MAMDC2: variants seen among roughly 807,000 people sequenced by gnomAD.
MAMDC2 encodes MAM domain-containing protein 2.
In MAMDC2, 57 loss-of-function variants were observed where a neutral mutation model predicts 89.8. The ratio of observed to expected loss-of-function variants is 0.63; its 90% CI spans 0.51 to 0.79. The LOEUF (loss-of-function observed/expected upper bound fraction) is 0.79, where lower values mean the gene tolerates loss of function less well. MAMDC2 is among the 30% of genes least tolerant of loss of function. MAMDC2 has a pLI of 0.00. For missense variants in MAMDC2, 800 were observed against 820.6 expected (o/e 0.97, Z 0.31); for synonymous variants, 313 against 293.4 (o/e 1.07, Z -0.68).
chr9:70,052,980 C>G (rs951197799), intron 2 of MAMDC2, among the ~76,000 whole-genome samples: 2 of 152,190 alleles, frequency 1.3e-5, no homozygotes, highest in African/African-American at 4.8e-5. Flanking sequence ...CCATCACAAA[C>G]AACCACAATG....
chr9:70,116,557 G>A (rs915288923), intron 5 of MAMDC2, among the ~76,000 whole-genome samples: 2 of 152,098 alleles, frequency 1.3e-5, no homozygotes, highest in African/African-American at 2.4e-5. Context: ...TCTAAGATGC[G>A]TTTGAGTTCC....
At chr9:70,136,850 G>A (rs2031030982) in intron 7 of MAMDC2, among the ~76,000 whole-genome samples, 1 of 152,154 alleles carries the variant, frequency 6.6e-6, no homozygotes, top group African/African-American at 2.4e-5. Flanking sequence ...AAATATCCAT[G>A]GGAGAATGTC....
chr9:70,092,239 T>C (rs1031927279), intron 2 of MAMDC2: 1 of 152,196 alleles, frequency 6.6e-6, no homozygotes, highest in African/African-American at 2.4e-5. Context: ...CTGGCTTGAC[T>C]ATTAGAATCA....
At chr9:70,206,896 T>C (rs1168176803) in intron 11 of MAMDC2, among the ~76,000 whole-genome samples, 1 of 152,142 alleles carries the variant, frequency 6.6e-6, no homozygotes, top group African/African-American at 2.4e-5. Context: ...TTTCTGTCCT[T>C]GTGATAGTTT....
intron 5 of MAMDC2, among the ~76,000 whole-genome samples, chr9:70,117,671 C>T (rs548614238): frequency 1.3e-5 from 2 of 151,848 alleles, no homozygotes; most frequent in East Asian, 3.9e-4. Flanking sequence ...CAGGAACCAA[C>T]TTTTCCCAAA....
At chr9:70,066,844 G>A (rs550245464) in intron 2 of MAMDC2, among the ~76,000 whole-genome samples, 2 of 152,292 alleles carry the variant, frequency 1.3e-5, no homozygotes, top group African/African-American at 4.8e-5. Context: ...GAAGAATAAA[G>A]CCAATGGGAT....
At position 70,077,661 on chromosome 9, in the gene MAMDC2, T is replaced by C. The variant is rs568215603; in HGVS notation, c.149-30550T>C. Among the ~76,000 whole-genome samples, 3 of 152,330 alleles carry C rather than the reference T, an allele frequency of 2.0e-5. No homozygotes were observed. The South Asian group carries it at 6.2e-4, about 32-fold the overall frequency. Reference sequence around the variant, plus strand: ...TCATGAGAAATTGAGATGATGGTAGTGTCATGTTAGTGCTGTATGCATCAC... The same window carrying C: ...TCATGAGAAATTGAGATGATGGTAGCGTCATGTTAGTGCTGTATGCATCAC... On this transcript the variant is annotated intron_variant, in intron 2 of 13. Coordinates refer to ENST00000377182, the MANE Select transcript of MAMDC2 (RefSeq NM_153267.5).
intron 11 of MAMDC2, among the ~76,000 whole-genome samples, chr9:70,203,273 T>A (rs2118639128): frequency 6.6e-6 from 1 of 152,116 alleles, no homozygotes; most frequent in Admixed American, 6.5e-5. Flanking sequence ...TCGGTCAGCA[T>A]TTGCTTGTCT....
At chr9:70,130,835 C>T (rs1455279157) in intron 6 of MAMDC2, among the ~76,000 whole-genome samples, 1 of 152,074 alleles carries the variant, frequency 6.6e-6, no homozygotes, top group East Asian at 1.9e-4. Flanking sequence ...ACTTTCTTAG[C>T]TGATTTTTCC....
intron 11 of MAMDC2, among the ~76,000 whole-genome samples, chr9:70,188,329 G>A (rs2032803813): frequency 6.6e-6 from 1 of 151,986 alleles, no homozygotes; most frequent in Non-Finnish European, 1.5e-5. Context: ...TTATTAATAA[G>A]GTAGAATTTA....
rs1426007565 is a variant in MAMDC2 at position 70,044,575 on chromosome 9, T to C, written c.35-9T>C. 2.6e-6 allele frequency: 4 copies of C among 1,548,154 alleles called. No individual in the cohort carries two copies. Among genetic ancestry groups the C allele is most frequent in the African/African-American group, 1.4e-5 (1 of 72,986 alleles). On this transcript the variant is annotated splice_polypyrimidine_tract_variant and intron_variant, in intron 1 of 13. Transcript: ENST00000377182. Reference sequence around the variant, plus strand: ...GGAGCTCGAACTGAAACTCGCTTTGTGCCCGCAGCCCTGCAGCTCGCCGGT... The same window carrying C: ...GGAGCTCGAACTGAAACTCGCTTTGCGCCCGCAGCCCTGCAGCTCGCCGGT...
intron 7 of MAMDC2, among the ~76,000 whole-genome samples, chr9:70,134,108 G>T (rs1449697033): frequency 1.3e-5 from 2 of 152,048 alleles, no homozygotes; most frequent in Admixed American, 6.6e-5. Context: ...TTCCCAGCTG[G>T]ACCTAGCATT....
chr9:70,187,209 C>A (rs1208147039), intron 11 of MAMDC2, among the ~76,000 whole-genome samples: 2 of 151,980 alleles, frequency 1.3e-5, no homozygotes, highest in Non-Finnish European at 2.9e-5. Context: ...TTCTGAGACT[C>A]CAATTATATG....
At chr9:70,052,663 A>G (rs1826939510) in intron 2 of MAMDC2, among the ~76,000 whole-genome samples, 1 of 152,214 alleles carries the variant, frequency 6.6e-6, no homozygotes, top group African/African-American at 2.4e-5. Flanking sequence ...ATGCCTGATA[A>G]TATGTGGCAT....
intron 7 of MAMDC2, among the ~76,000 whole-genome samples, chr9:70,136,869 C>T (rs1211381101): frequency 6.6e-6 from 1 of 152,148 alleles, no homozygotes; most frequent in Non-Finnish European, 1.5e-5. Flanking sequence ...TCAAAGGATC[C>T]TTGTTCATGT....
chr9:70,170,535 A>C lies in MAMDC2; in HGVS notation c.1555A>C (p.Thr519Pro). 1.2e-6 allele frequency: 2 copies of C among 1,613,162 alleles called. No homozygotes were observed. The highest frequency in any genetic ancestry group is 1.7e-6 in the Non-Finnish European group (2 of 1,179,798). ...CTFEQDECTF[T>P]QEKRNRSSWH... Reference sequence around the variant, plus strand: ...TTTCGAGCAAGATGAATGTACATTTACTCAGGAGAAAAGAAACCGGAGCAG... The same window carrying C: ...TTTCGAGCAAGATGAATGTACATTTCCTCAGGAGAAAAGAAACCGGAGCAG... The change falls in exon 11 of 14, where the codon ACT (threonine) becomes CCT (proline). Residue 519 changes from threonine to proline, a missense_variant. By Grantham distance (38) the Thr-to-Pro change is conservative. Coordinates refer to ENST00000377182, the MANE Select transcript of MAMDC2 (RefSeq NM_153267.5).
chr9:70,081,749 G>A (rs1189779253), intron 2 of MAMDC2: 3 of 152,096 alleles, frequency 2.0e-5, no homozygotes, highest in Admixed American at 1.3e-4. Flanking sequence ...AAAGAGTGTA[G>A]AAGCTTGTGG....
chr9:70,080,664 TC>T (rs1431499757), intron 2 of MAMDC2, among the ~76,000 whole-genome samples: 1 of 152,184 alleles, frequency 6.6e-6, no homozygotes, highest in Non-Finnish European at 1.5e-5. Flanking sequence ...TTCCTAGGTT[TC>T]CATGTGTCAT....
chr9:70,043,967 T>C lies in MAMDC2; in HGVS notation c.-231T>C. 1 of 602,660 alleles carries C rather than the reference T, an allele frequency of 1.7e-6. No individual in the cohort carries two copies. The allele number at this position is 602,660 out of a possible 1,614,324, so 37.3% of individuals were successfully genotyped here. A position where few individuals can be genotyped will look rare whatever the true frequency, so the allele number is the denominator to read the frequency against. ...CCGCGGTCTGACCTGAGGCTGCTGC[T>C]CAGCGCCGGGGCGCTGGCGCTCTCC... On this transcript the variant is annotated 5_prime_UTR_variant, in exon 1 of 14. Transcript: ENST00000377182.
Sources: gnomAD v4.1 joint callset for allele counts (sites outside exome capture counted in the v4.1 genomes callset) on GRCh38, gnomAD v4.1.1 for gene constraint, MANE v1.5 for transcripts, NCBI Gene and HGNC (gene_info 2026-07-23, HGNC 2026-07-21) for gene names.